MYRIP: variants seen among roughly 807,000 people sequenced by gnomAD.
The protein encoded by MYRIP is rab effector MyRIP.
Under a neutral mutation model 98.0 loss-of-function variants are expected in MYRIP, and 49 were observed. That is an observed-to-expected ratio of 0.50 (90% confidence interval 0.40 to 0.63). MYRIP has a LOEUF of 0.63. Among genes scored for constraint, MYRIP ranks in the 30% least tolerant of loss-of-function variants. MYRIP has a pLI of 0.00. For missense variants in MYRIP, 1,004 were observed against 1,058.2 expected, an observed-to-expected ratio of 0.95 and a Z score of 0.71; for synonymous variants, 404 against 409.5, an observed-to-expected ratio of 0.99 and a Z score of 0.16.
chr3:40,067,142 A>G (rs1948141337), intron 3 of MYRIP, among the ~76,000 whole-genome samples: 1 of 152,212 alleles, frequency 6.6e-6, no homozygotes, highest in Non-Finnish European at 1.5e-5. Flanking sequence ...ATTGTCAGAG[A>G]TTATTAAAGT....
At chr3:40,120,529 T>G (rs1949380534) in intron 3 of MYRIP, among the ~76,000 whole-genome samples, 1 of 152,224 alleles carries the variant, frequency 6.6e-6, no homozygotes, top group Admixed American at 6.5e-5. Flanking sequence ...GAAATTTGGC[T>G]GGAGGAAGCT....
intron 3 of MYRIP, among the ~76,000 whole-genome samples, chr3:40,119,978 C>T (rs192887924): frequency 1.0e-3 from 159 of 152,074 alleles, no homozygotes; most frequent in Non-Finnish European, 1.9e-3. Context: ...AGGATATTGG[C>T]TTCACCATTA....
intron 2 of MYRIP, among the ~76,000 whole-genome samples, chr3:39,953,073 G>T (rs765348787): frequency 2.6e-5 from 4 of 152,066 alleles, no homozygotes; most frequent in African/African-American, 7.2e-5. Context: ...ACAATGCCCC[G>T]GGGCATGAGG....
chr3:40,255,045 T>C (rs749011014), intron 16 of MYRIP, among the ~76,000 whole-genome samples: 7 of 152,198 alleles, frequency 4.6e-5, no homozygotes, highest in Non-Finnish European at 1.0e-4. Flanking sequence ...TCTCAGGCAT[T>C]ACATGGCAAT....
intron 3 of MYRIP, among the ~76,000 whole-genome samples, chr3:40,061,065 A>T (rs1375809659): frequency 6.6e-6 from 1 of 152,194 alleles, no homozygotes; most frequent in African/African-American, 2.4e-5. Flanking sequence ...TTTGATGGAA[A>T]GAACAATTTT....
intron 3 of MYRIP, among the ~76,000 whole-genome samples, chr3:40,133,498 T>TA (rs1949691316): frequency 6.6e-6 from 1 of 152,216 alleles, no homozygotes; most frequent in Non-Finnish European, 1.5e-5. Flanking sequence ...GGTGTTGTGA[T>TA]AAAGATTTAT....
chr3:40,218,609 A>ATATAT lies in MYRIP; in HGVS notation c.1905+8517_1905+8518insATATT, dbSNP rs1434916839. On this transcript the variant is annotated intron_variant, in intron 11 of 16. Coordinates refer to ENST00000302541, the MANE Select transcript of MYRIP (RefSeq NM_015460.4). ...CACACACACACACACATATATATAT[A>ATATAT]TTTTATATATATATATATATATATA... 1.8e-3 allele frequency among the ~76,000 whole-genome samples: 223 copies of ATATAT among 127,150 alleles called. 1 individual carries two copies. Among genetic ancestry groups the ATATAT allele is most frequent in the Non-Finnish European group, 3.0e-3 (194 of 63,652 alleles). 83.4% of individuals were successfully genotyped at this position (127,150 alleles called of 152,430 possible). A position where few individuals can be genotyped will look rare whatever the true frequency, so the allele number is the denominator to read the frequency against.
intron 10 of MYRIP, among the ~76,000 whole-genome samples, chr3:40,194,372 C>T (rs1243478697): frequency 6.6e-6 from 1 of 151,914 alleles, no homozygotes; most frequent in Non-Finnish European, 1.5e-5. Flanking sequence ...TTCTATAAGC[C>T]TGTTTTATTT....
rs571439904 is a variant in MYRIP, at chr3:39,931,507, CT to C, written c.110+30588del. The stretch of plus-strand genomic sequence containing the variant: ...TTTACTTCTTTTCTTCTCTTAATTC[CT>C]TTTTTTCCTTCTTCTTACCTGTCCA... On this transcript the variant is annotated intron_variant, in intron 2 of 16. Coordinates refer to ENST00000302541, the MANE Select transcript of MYRIP (RefSeq NM_015460.4). Among the ~76,000 whole-genome samples, 208 of 151,306 alleles carry C rather than the reference CT, an allele frequency of 1.4e-3. 4 individuals are homozygous for C. In the South Asian group the frequency reaches 0.042, roughly 30 times the overall value.
chr3:40,023,675 C>A (rs1397290854), intron 2 of MYRIP, among the ~76,000 whole-genome samples: 1 of 152,134 alleles, frequency 6.6e-6, no homozygotes, highest in Non-Finnish European at 1.5e-5. Flanking sequence ...CAGAGCCTAA[C>A]CAACAACAGC....
At chr3:39,828,772 C>G (rs1255671108) in intron 1 of MYRIP, among the ~76,000 whole-genome samples, 4 of 152,160 alleles carry the variant, frequency 2.6e-5, no homozygotes, top group African/African-American at 9.7e-5. Context: ...GAATAATAGT[C>G]TCTAATCTCA....
At chr3:40,044,890 T>C (rs1369471208) in intron 3 of MYRIP, among the ~76,000 whole-genome samples, 1 of 152,098 alleles carries the variant, frequency 6.6e-6, no homozygotes, top group Non-Finnish European at 1.5e-5. Flanking sequence ...GCGAGGGAAA[T>C]AACAAGCATG....
intron 2 of MYRIP, among the ~76,000 whole-genome samples, chr3:40,036,001 T>G (rs1947372971): frequency 6.6e-6 from 1 of 151,724 alleles, no homozygotes; most frequent in African/African-American, 2.4e-5. Flanking sequence ...ACAAAGAGAT[T>G]AGGAGACATG....
chr3:39,915,846 C>T (rs764981249), intron 2 of MYRIP, among the ~76,000 whole-genome samples: 41 of 151,878 alleles, frequency 2.7e-4, no homozygotes, highest in African/African-American at 5.5e-4. Context: ...TATTAATAAT[C>T]GTTAATAGAT....
At chr3:39,820,243 T>C (rs1941063964) in intron 1 of MYRIP, among the ~76,000 whole-genome samples, 1 of 152,254 alleles carries the variant, frequency 6.6e-6, no homozygotes, top group African/African-American at 2.4e-5. Flanking sequence ...TGTCCTGTGA[T>C]ATGGTTCCCT....
chr3:39,859,597 G>T (rs1377062476), intron 1 of MYRIP, among the ~76,000 whole-genome samples: 1 of 152,148 alleles, frequency 6.6e-6, no homozygotes, highest in African/African-American at 2.4e-5. Context: ...TAACTCTGAT[G>T]AACATAGATG....
chr3:40,167,073 T>G, intron 6 of MYRIP, 86 bp from the exon 7 acceptor site: 3 of 1,437,242 alleles, frequency 2.1e-6, no homozygotes, highest in Non-Finnish European at 2.9e-6. Context: ...TCCCTCTGCT[T>G]TTGTGGTCAG....
chr3:39,835,616 T>C (rs1431740667), intron 1 of MYRIP, among the ~76,000 whole-genome samples: 1 of 152,214 alleles, frequency 6.6e-6, no homozygotes, highest in African/African-American at 2.4e-5. Context: ...TATTATACTT[T>C]AAGTTCTGGG....
chr3:39,828,152 G>A (rs1341395919), intron 1 of MYRIP, among the ~76,000 whole-genome samples: 1 of 151,906 alleles, frequency 6.6e-6, no homozygotes, highest in Non-Finnish European at 1.5e-5. Context: ...GGAGTTTTCA[G>A]CTATTATTTT....
Sources: gnomAD v4.1 joint callset for allele counts (sites outside exome capture counted in the v4.1 genomes callset) on GRCh38, gnomAD v4.1.1 for gene constraint, MANE v1.5 for transcripts, NCBI Gene and HGNC (gene_info 2026-07-23, HGNC 2026-07-21) for gene names.